Variants in EML6 observed in about 807,000 individuals in gnomAD.
EML6 encodes EMAP like 6, also known as echinoderm microtubule-associated protein-like 6.
Under a neutral mutation model 240.1 loss-of-function variants are expected in EML6, and 154 were observed. The ratio of observed to expected loss-of-function variants is 0.64; its 90% CI spans 0.56 to 0.73. EML6 has a LOEUF of 0.73. EML6 is among the 30% of genes least tolerant of loss of function. The pLI is 0.00. For synonymous variants in EML6, 1,148 were observed against 899.0 expected, an observed-to-expected ratio of 1.28 and a Z score of -4.95; for missense variants, 2,964 against 2,474.6, an observed-to-expected ratio of 1.20 and a Z score of -4.20.
chr2:54,865,224 C>T (rs1030245599), intron 13 of EML6, among the ~76,000 whole-genome samples: 2 of 151,196 alleles, frequency 1.3e-5, no homozygotes, highest in Non-Finnish European at 2.9e-5. Flanking sequence ...CACAGTGGCT[C>T]ATTCCTGTAA....
At chr2:54,907,557 C>T (rs1673389966) in intron 24 of EML6, among the ~76,000 whole-genome samples, 1 of 152,060 alleles carries the variant, frequency 6.6e-6, no homozygotes, top group Non-Finnish European at 1.5e-5. Flanking sequence ...ACATTTCATT[C>T]CCATTTTTGT....
Position 54,910,941 on chromosome 2 carries a change from T to C in EML6, c.3410-13T>C. 6.8e-7 allele frequency: 1 copy of C among 1,460,350 alleles called. No individual in the cohort carries two copies. Among genetic ancestry groups the C allele is most frequent in the African/African-American group, 1.4e-5 (1 of 71,498 alleles). 90.5% of individuals were successfully genotyped at this position (1,460,350 alleles called of 1,614,324 possible). ...GATTTTAATTATCTCTCTACTTCGT[T>C]CTGTCGTAACAGGAAAATTATTGCA... On this transcript the variant is annotated splice_polypyrimidine_tract_variant and intron_variant, in intron 24 of 41. Coordinates refer to ENST00000356458, the MANE Select transcript of EML6 (RefSeq NM_001039753.4).
chr2:54,744,495 A>G (rs1398581307), intron 2 of EML6, among the ~76,000 whole-genome samples: 2 of 152,230 alleles, frequency 1.3e-5, no homozygotes, highest in East Asian at 3.9e-4. Context: ...AGACATACGG[A>G]CTTATAAAAA....
rs142385111 is a variant in EML6, at chr2:54,836,182, C to T, written c.847+6705C>T. Among the ~76,000 whole-genome samples, 91 of 152,230 alleles carry T rather than the reference C, an allele frequency of 6.0e-4. 1 individual carries two copies. The highest frequency in any genetic ancestry group is 1.0e-3 in the South Asian group (5 of 4,822). On this transcript the variant is annotated intron_variant, in intron 7 of 41. Coordinates refer to ENST00000356458, the MANE Select transcript of EML6 (RefSeq NM_001039753.4). Reference sequence around the variant, plus strand: ...GTGGTGTCACTGTGTGCGCAAGTTCCGTGTGTGACATGGTGTCAGAGGGCT... The same window carrying T: ...GTGGTGTCACTGTGTGCGCAAGTTCTGTGTGTGACATGGTGTCAGAGGGCT...
At chr2:54,851,928 G>A (rs965661747) in intron 10 of EML6, among the ~76,000 whole-genome samples, 6 of 152,070 alleles carry the variant, frequency 3.9e-5, no homozygotes, top group South Asian at 4.1e-4. Context: ...AGGGATAGTC[G>A]GCTACATTAT....
chr2:54,741,169 C>G (rs1290304160), intron 2 of EML6, among the ~76,000 whole-genome samples: 1 of 152,074 alleles, frequency 6.6e-6, no homozygotes, highest in Non-Finnish European at 1.5e-5. Flanking sequence ...GCCCCAAGTG[C>G]AGCTGATCTT....
intron 2 of EML6, among the ~76,000 whole-genome samples, chr2:54,797,957 G>A (rs978306411): frequency 6.6e-6 from 1 of 151,972 alleles, no homozygotes; most frequent in Admixed American, 6.5e-5. Context: ...CAAGGTTTTA[G>A]TTTTTTAAAA....
intron 17 of EML6, among the ~76,000 whole-genome samples, chr2:54,886,154 A>T (rs1181111046): frequency 1.6e-5 from 2 of 128,986 alleles, no homozygotes; most frequent in Non-Finnish European, 1.7e-5. Flanking sequence ...TTTTTTTTTT[A>T]ACCTTCTTTT....
rs1448078140 is a variant in EML6 at position 54,876,546 on chromosome 2, A to T, written c.2345-3001A>T. 3.9e-5 allele frequency among the ~76,000 whole-genome samples: 6 copies of T among 152,242 alleles called. No homozygotes were observed. The South Asian group carries it at 1.0e-3, about 26-fold the overall frequency. On this transcript the variant is annotated intron_variant, in intron 16 of 41. Transcript: ENST00000356458. ...TATCCTTAGGCCTTCTTCAGATGAC[A>T]TAAAACTTTATTATTTTAAATGTAT...
At position 54,895,012 on chromosome 2, in the gene EML6, C is replaced by G. The variant is rs374969726; in HGVS notation, c.2840C>G (p.Ser947Trp). The change falls in exon 20 of 42, where the codon TCG (serine) becomes TGG (tryptophan). Residue 947 changes from serine to tryptophan, a missense_variant. Physicochemically the swap from Ser to Trp is radical, Grantham distance 177. Coordinates refer to ENST00000356458, the MANE Select transcript of EML6 (RefSeq NM_001039753.4). ...KTYAIKRSAL[S>W]TSSKGLLLED... is the part of the protein sequence containing the mutation. The stretch of plus-strand genomic sequence containing the variant: ...TATGCCATTAAAAGATCAGCATTGT[C>G]GACTAGCTCAAAAGGTGCCACTCCC... 2 of 1,550,278 alleles carry G rather than the reference C, an allele frequency of 1.3e-6. No individual in the cohort carries two copies. The highest frequency in any genetic ancestry group is 1.7e-6 in the Non-Finnish European group (2 of 1,145,714).
chr2:54,730,836 A>G lies in EML6; in HGVS notation c.197+5578A>G, dbSNP rs563992369. Among the ~76,000 whole-genome samples, 20 of 152,314 alleles carry G rather than the reference A, an allele frequency of 1.3e-4. No homozygotes were observed. The South Asian group carries it at 4.1e-3, about 32-fold the overall frequency. ...TTAATTCATCAAAAACTCATTTTAC[A>G]TCTATAATGTGCCAGATGCAGGGGG... On this transcript the variant is annotated intron_variant, in intron 2 of 41. Transcript: ENST00000356458.
chr2:54,755,010 A>C (rs1483335114), intron 2 of EML6, among the ~76,000 whole-genome samples: 2 of 152,266 alleles, frequency 1.3e-5, no homozygotes, highest in Non-Finnish European at 2.9e-5. Context: ...ACAGTTCCAG[A>C]AACTTTATTG....
chr2:54,765,190 A>G (rs968197833), intron 2 of EML6, among the ~76,000 whole-genome samples: 7 of 152,178 alleles, frequency 4.6e-5, no homozygotes, highest in African/African-American at 1.4e-4. Context: ...TTCAGCCTCT[A>G]ACTTATTGTG....
intron 24 of EML6, among the ~76,000 whole-genome samples, chr2:54,906,806 G>A (rs1268714139): frequency 6.6e-6 from 1 of 152,206 alleles, no homozygotes; most frequent in African/African-American, 2.4e-5. Context: ...CAAAATGCCT[G>A]ATCTCGAGAA....
At chr2:54,892,749 A>T in intron 19 of EML6, 93 bp downstream of exon 19, 8 of 889,520 alleles carry the variant, frequency 9.0e-6, no homozygotes, top group Non-Finnish European at 1.4e-5. Flanking sequence ...CTGTATCTAA[A>T]ACAGGCCTGT....
chr2:54,923,367 G>GCACGCACACACACACA (rs1553416852), intron 26 of EML6, among the ~76,000 whole-genome samples: 1 of 144,364 alleles, frequency 6.9e-6, no homozygotes, highest in Admixed American at 6.9e-5. Flanking sequence ...CTCACCAAAC[G>GCACGCACACACACACA]CACACACACA....
At chr2:54,814,702 A>T (rs538439678) in intron 3 of EML6, among the ~76,000 whole-genome samples, 1 of 152,322 alleles carries the variant, frequency 6.6e-6, no homozygotes, top group South Asian at 2.1e-4. Context: ...ATAGGAGTTG[A>T]CCTGGGTTGA....
intron 2 of EML6, among the ~76,000 whole-genome samples, chr2:54,792,405 A>T (rs866707034): frequency 6.6e-5 from 10 of 152,180 alleles, no homozygotes; most frequent in Admixed American, 6.5e-4. Flanking sequence ...CTAACTTTTG[A>T]TTTGGGGCTT....
At chr2:54,881,257 A>G (rs1040543821) in intron 17 of EML6, 1 of 152,142 alleles carries the variant, frequency 6.6e-6, no homozygotes, top group Non-Finnish European at 1.5e-5. Context: ...ATCTATTTGC[A>G]TAATATTAAC....
Sources: allele counts gnomAD v4.1 joint callset (sites outside exome capture counted in the v4.1 genomes callset), GRCh38; gene constraint gnomAD v4.1.1; transcripts MANE v1.5; gene names NCBI Gene and HGNC (gene_info 2026-07-23, HGNC 2026-07-21).